Variants in ULK4 observed in about 807,000 individuals in gnomAD.
ULK4 encodes inactive serine/threonine-protein kinase ULK4.
Under a neutral mutation model 160.6 loss-of-function variants are expected in ULK4, and 133 were observed. That is an observed-to-expected ratio of 0.83 (90% CI 0.72 to 0.96). The LOEUF (loss-of-function observed/expected upper bound fraction) is 0.96, where lower values mean the gene tolerates loss of function less well. ULK4 is among the 40% of genes least tolerant of loss of function. The pLI is 0.00. For synonymous variants in ULK4, 534 were observed against 539.8 expected (o/e 0.99, Z 0.15); for missense variants, 1,580 against 1,499.5 (o/e 1.05, Z -0.89).
At chr3:41,956,457 G>C (rs565284642) in intron 1 of ULK4, among the ~76,000 whole-genome samples, 9 of 152,152 alleles carry the variant, frequency 5.9e-5, no homozygotes, top group African/African-American at 2.2e-4. Context: ...TTTCCTTGCT[G>C]TGCTGGGCAT....
intron 31 of ULK4, among the ~76,000 whole-genome samples, chr3:41,615,198 A>C (rs2032902769): frequency 6.6e-6 from 1 of 152,018 alleles, no homozygotes; most frequent in Non-Finnish European, 1.5e-5. Context: ...GAACAGAAAA[A>C]TGGTGTATGG....
intron 20 of ULK4, among the ~76,000 whole-genome samples, chr3:41,794,221 T>G (rs765929696): frequency 6.6e-6 from 1 of 152,140 alleles, no homozygotes; most frequent in South Asian, 2.1e-4. Flanking sequence ...TGGAACAACA[T>G]GTAGAGCTTG....
chr3:41,494,580 G>A (rs2125910712), intron 32 of ULK4, among the ~76,000 whole-genome samples: 1 of 152,094 alleles, frequency 6.6e-6, no homozygotes, highest in East Asian at 1.9e-4. Flanking sequence ...TTCTGGCCAG[G>A]ACAATTAGGC....
intron 17 of ULK4, among the ~76,000 whole-genome samples, chr3:41,849,004 T>C (rs186490756): frequency 5.5e-4 from 83 of 152,290 alleles, no homozygotes; most frequent in African/African-American, 1.4e-3. Context: ...CAATTTTCCA[T>C]ACTCTCTTCC....
chr3:41,777,794 G>C (rs2039683683), intron 21 of ULK4, among the ~76,000 whole-genome samples: 1 of 135,270 alleles, frequency 7.4e-6, no homozygotes, highest in Non-Finnish European at 1.6e-5. Context: ...GAGATAGTTT[G>C]TTATAATTTC....
intron 30 of ULK4, among the ~76,000 whole-genome samples, chr3:41,632,458 T>C (rs780280171): frequency 2.6e-5 from 4 of 152,220 alleles, no homozygotes; most frequent in Non-Finnish European, 5.9e-5. Context: ...TCTGTCTTCA[T>C]TCACTTGATA....
At chr3:41,437,303 A>G (rs916692409) in intron 34 of ULK4, among the ~76,000 whole-genome samples, 6 of 152,234 alleles carry the variant, frequency 3.9e-5, no homozygotes, top group Non-Finnish European at 4.4e-5. Context: ...AGAAGCTTGG[A>G]GTTTATCTAT....
chr3:41,503,352 A>G (rs1455041184), intron 32 of ULK4, among the ~76,000 whole-genome samples: 2 of 152,226 alleles, frequency 1.3e-5, no homozygotes, highest in East Asian at 3.9e-4. Context: ...GGTGACCCCA[A>G]GGGCTGTCAG....
At chr3:41,426,548 G>A (rs1358309966) in intron 34 of ULK4, among the ~76,000 whole-genome samples, 1 of 152,010 alleles carries the variant, frequency 6.6e-6, no homozygotes, top group African/African-American at 2.4e-5. Flanking sequence ...AAATGCAAAA[G>A]AACTGAAATT....
rs1194062453 is a variant in ULK4, at chr3:41,377,654, C to A, written c.3678+20425G>T. 1.2e-4 allele frequency among the ~76,000 whole-genome samples: 18 copies of A among 146,292 alleles called. 1 individual carries two copies. Among genetic ancestry groups the A allele is most frequent in the African/African-American group, 4.4e-4 (17 of 38,518 alleles). ...ATCATCACTGGCCATCAGAGAAATG[C>A]AAATCAAAACCACAATGAGATACCA... On this transcript the variant is annotated intron_variant, in intron 35 of 36. Transcript: ENST00000301831.
rs1025612676 is a variant in ULK4 at position 41,624,893 on chromosome 3, A to G, written c.3072-9176T>C. On this transcript the variant is annotated intron_variant, in intron 30 of 36. Coordinates refer to ENST00000301831, the MANE Select transcript of ULK4 (RefSeq NM_017886.4). The stretch of plus-strand genomic sequence containing the variant: ...TCTATTATGGATAATGCTGCAATGA[A>G]TAGTAATCACATTTTTTTTTGCTAG... Among the ~76,000 whole-genome samples the G allele has an allele frequency of 3.9e-5, 6 of 152,286 alleles. No homozygotes were observed. The South Asian group carries it at 1.2e-3, about 32-fold the overall frequency.
chr3:41,574,327 C>T (rs1279795453), intron 31 of ULK4, among the ~76,000 whole-genome samples: 1 of 152,048 alleles, frequency 6.6e-6, no homozygotes, highest in Non-Finnish European at 1.5e-5. Flanking sequence ...TTAGAATCAT[C>T]GGGACTACTG....
At chr3:41,472,498 G>A (rs2084018386) in intron 32 of ULK4, among the ~76,000 whole-genome samples, 1 of 151,656 alleles carries the variant, frequency 6.6e-6, no homozygotes, top group South Asian at 2.1e-4. Context: ...GAGCCCAGGA[G>A]GTGGAGGTTG....
At chr3:41,282,022 G>A (rs950159351) in intron 35 of ULK4, among the ~76,000 whole-genome samples, 1 of 152,072 alleles carries the variant, frequency 6.6e-6, no homozygotes, top group African/African-American at 2.4e-5. Context: ...CAAACAGAGA[G>A]CCAAATCATG....
intron 35 of ULK4, among the ~76,000 whole-genome samples, chr3:41,320,139 T>C (rs768065227): frequency 2.6e-5 from 4 of 152,226 alleles, no homozygotes; most frequent in Non-Finnish European, 5.9e-5. Context: ...TTACTGGTTA[T>C]GTGACTTAAA....
intron 26 of ULK4, 51 bp from the exon 27 acceptor site, chr3:41,705,202 T>C (rs2125827804): frequency 6.2e-7 from 1 of 1,609,904 alleles, no homozygotes; most frequent in Non-Finnish European, 8.5e-7. Flanking sequence ...TTCTAAATCA[T>C]AATATCAAAG....
At chr3:41,319,125 T>G (rs1165816689) in intron 35 of ULK4, among the ~76,000 whole-genome samples, 5 of 152,202 alleles carry the variant, frequency 3.3e-5, no homozygotes, top group Non-Finnish European at 7.3e-5. Context: ...ATATTAAAGG[T>G]AGTGCAACAC....
chr3:41,949,845 TC>T (rs1700230925), intron 2 of ULK4, among the ~76,000 whole-genome samples: 1 of 151,518 alleles, frequency 6.6e-6, no homozygotes, highest in African/African-American at 2.4e-5. Context: ...GAAGCAATCC[TC>T]CTGTCTCAAC....
At chr3:41,818,639 CAG>C (rs1302523915) in intron 19 of ULK4, among the ~76,000 whole-genome samples, 1 of 152,174 alleles carries the variant, frequency 6.6e-6, no homozygotes, top group Non-Finnish European at 1.5e-5. Context: ...GGGAAAACCT[CAG>C]GGAGTTTTTC....
Sources: gnomAD v4.1 joint callset for allele counts (sites outside exome capture counted in the v4.1 genomes callset) on GRCh38, gnomAD v4.1.1 for gene constraint, MANE v1.5 for transcripts, NCBI Gene and HGNC (gene_info 2026-07-23, HGNC 2026-07-21) for gene names.